The following GABRB3 variants were observed in gnomAD, a reference collection of about 807,000 sequenced individuals.
GABRB3 encodes gamma-aminobutyric acid receptor subunit beta-3.
A neutral mutation model predicts 52.1 loss-of-function variants in GABRB3; 14 were observed. That is an observed-to-expected ratio of 0.27 (90% CI 0.18 to 0.42). GABRB3 has a LOEUF of 0.42. GABRB3 is among the 10% of genes least tolerant of loss of function. The pLI is 1.00. For missense variants in GABRB3, 307 were observed against 609.1 expected (o/e 0.50, Z 5.22); for synonymous variants, 260 against 232.3 (o/e 1.12, Z -1.08).
chr15:26,664,704 GTTTTTTTT>G, intron 3 of GABRB3, among the ~76,000 whole-genome samples: 1 of 95,214 alleles, frequency 1.1e-5, no homozygotes, highest in Admixed American at 1.5e-4. Flanking sequence ...TCTTTTCTTT[GTTTTTTTT>G]TTTTTTTTTT....
intron 3 of GABRB3, among the ~76,000 whole-genome samples, chr15:26,723,477 C>T (rs1003388092): frequency 1.4e-4 from 21 of 152,120 alleles, no homozygotes; most frequent in Admixed American, 1.2e-3. Context: ...GAATGAACTA[C>T]CCACATTTAA....
intron 5 of GABRB3, 87 bp from the exon 6 acceptor site, chr15:26,580,543 C>A (rs905252704): frequency 1.5e-5 from 23 of 1,544,696 alleles, no homozygotes; most frequent in East Asian, 6.7e-5. Flanking sequence ...ATGGAGGTTG[C>A]GGCTCTGCTA....
At chr15:26,690,682 T>A (rs1019403621) in intron 3 of GABRB3, among the ~76,000 whole-genome samples, 5 of 151,826 alleles carry the variant, frequency 3.3e-5, no homozygotes, top group African/African-American at 1.2e-4. Flanking sequence ...ATGTTCCCAC[T>A]TAGTGTTTGT....
At chr15:26,772,328 A>G in intron 3 of GABRB3, 74 bp downstream of exon 3, 1 of 1,342,908 alleles carries the variant, frequency 7.4e-7, no homozygotes, top group Non-Finnish European at 1.0e-6. Context: ...CCTCCGGCCC[A>G]GCACTGTGGA....
In GABRB3 at chr15:26,544,521, T is replaced by C. The variant is rs1051775689; in HGVS notation, c.*3272A>G. On this transcript the variant is annotated 3_prime_UTR_variant, in exon 9 of 9. Coordinates refer to ENST00000311550, the MANE Select transcript of GABRB3 (RefSeq NM_000814.6). ...GGAAATATTATCATGACATACTTTC[T>C]AGTTCGTTTGAGATTCAGGGGAAAT... The C allele has an allele frequency of 6.6e-6, 1 of 152,244 alleles. No individual in the cohort carries two copies. Among genetic ancestry groups the C allele is most frequent in the African/African-American group, 2.4e-5 (1 of 41,464 alleles). 9.4% of individuals were successfully genotyped at this position (152,244 alleles called of 1,614,324 possible).
At chr15:26,631,130 G>C (rs1892903610) in intron 3 of GABRB3, among the ~76,000 whole-genome samples, 1 of 152,156 alleles carries the variant, frequency 6.6e-6, no homozygotes, top group Non-Finnish European at 1.5e-5. Context: ...AGGCATTCTG[G>C]AATATGAGCC....
intron 3 of GABRB3, among the ~76,000 whole-genome samples, chr15:26,713,878 A>G (rs1385219786): frequency 6.6e-6 from 1 of 152,194 alleles, no homozygotes; most frequent in African/African-American, 2.4e-5. Flanking sequence ...GAAGGAAGCA[A>G]ACCCAGCAGA....
At chr15:26,557,745 A>G (rs934851384) in intron 8 of GABRB3, 3 of 152,238 alleles carry the variant, frequency 2.0e-5, no homozygotes, top group Non-Finnish European at 2.9e-5. Flanking sequence ...TAAAGGCCTT[A>G]CTAAGATTGC....
At chr15:26,731,530 T>A (rs1469583470) in intron 3 of GABRB3, among the ~76,000 whole-genome samples, 1 of 152,162 alleles carries the variant, frequency 6.6e-6, no homozygotes, top group Non-Finnish European at 1.5e-5. Context: ...CACACAGATA[T>A]GCCAGTGGGG....
At chr15:26,732,838 CT>C (rs1425463055) in intron 3 of GABRB3, among the ~76,000 whole-genome samples, 1 of 151,836 alleles carries the variant, frequency 6.6e-6, no homozygotes, top group Non-Finnish European at 1.5e-5. Context: ...AAATACAATT[CT>C]TTTTTTTAAT....
chr15:26,761,133 G>A (rs920211163), intron 3 of GABRB3, among the ~76,000 whole-genome samples: 5 of 152,136 alleles, frequency 3.3e-5, no homozygotes, highest in Non-Finnish European at 5.9e-5. Context: ...GGTGGCTCAC[G>A]CCTATAATCT....
chr15:26,696,741 G>A (rs1888751726), intron 3 of GABRB3, among the ~76,000 whole-genome samples: 1 of 152,124 alleles, frequency 6.6e-6, no homozygotes, highest in African/African-American at 2.4e-5. Flanking sequence ...CACTTAGGCT[G>A]GAACCTGCAG....
intron 8 of GABRB3, among the ~76,000 whole-genome samples, chr15:26,559,795 A>C (rs1291676981): frequency 6.6e-6 from 1 of 152,176 alleles, no homozygotes; most frequent in Non-Finnish European, 1.5e-5. Flanking sequence ...CATGGACTTC[A>C]TAAAACAAAG....
At chr15:26,620,919 C>A (rs574891128) in intron 4 of GABRB3, among the ~76,000 whole-genome samples, 1 of 152,124 alleles carries the variant, frequency 6.6e-6, no homozygotes, top group Non-Finnish European at 1.5e-5. Flanking sequence ...CTACAATCTG[C>A]GCAACAGACA....
At chr15:26,554,176 G>GTATATATATATATATATATA (rs71130258) in intron 8 of GABRB3, among the ~76,000 whole-genome samples, 1,066 of 27,294 alleles carry the variant, frequency 0.039, 149 homozygotes, top group East Asian at 0.14. Flanking sequence ...TATATATAAA[G>GTATATATATATATATATATA]TATATATATA....
In GABRB3 at chr15:26,752,239, T is replaced by C. The variant is rs1003624652; in HGVS notation, c.240+20163A>G. On this transcript the variant is annotated intron_variant, in intron 3 of 8. Coordinates refer to ENST00000311550, the MANE Select transcript of GABRB3 (RefSeq NM_000814.6). ...CGCTTGCTCTCTTTATTTTATTTAT[T>C]TATTTATTTATTTATTTATTTATTT... 5.1e-3 allele frequency among the ~76,000 whole-genome samples: 732 copies of C among 143,928 alleles called. 4 individuals carry two copies. Among genetic ancestry groups the C allele is most frequent in the African/African-American group, 0.018 (691 of 38,012 alleles). 94.4% of individuals were successfully genotyped at this position (143,928 alleles called of 152,430 possible). A position where few individuals can be genotyped will look rare whatever the true frequency, so the allele number is the denominator to read the frequency against.
At chr15:26,667,452 G>C (rs949476332) in intron 3 of GABRB3, among the ~76,000 whole-genome samples, 2 of 152,222 alleles carry the variant, frequency 1.3e-5, no homozygotes, top group Admixed American at 6.5e-5. Context: ...GTAAACTCTT[G>C]TGTGACACAG....
chr15:26,694,596 C>CTCTAAATCAG (rs1248245837), intron 3 of GABRB3, among the ~76,000 whole-genome samples: 3 of 152,228 alleles, frequency 2.0e-5, no homozygotes, highest in Non-Finnish European at 4.4e-5. Flanking sequence ...TAAAGCCTCA[C>CTCTAAATCAG]TCTAAAGACT....
chr15:26,729,879 GTCTC>G (rs1370079632), intron 3 of GABRB3, among the ~76,000 whole-genome samples: 2 of 152,152 alleles, frequency 1.3e-5, no homozygotes, highest in African/African-American at 4.8e-5. Context: ...TTTGTAGTCT[GTCTC>G]TCTCTACAGA....
Sources: allele counts gnomAD v4.1 joint callset (sites outside exome capture counted in the v4.1 genomes callset), GRCh38; gene constraint gnomAD v4.1.1; transcripts MANE v1.5; gene names NCBI Gene and HGNC (gene_info 2026-07-23, HGNC 2026-07-21).